Variants in FAM149B1 observed in about 807,000 individuals in gnomAD.
FAM149B1 encodes the protein primary cilium assembly protein FAM149B1.
FAM149B1 carries 56 observed loss-of-function variants against 75.3 expected under a neutral mutation model. The ratio of observed to expected loss-of-function variants is 0.74; its 90% CI spans 0.60 to 0.93. The LOEUF is 0.93. Ranked by LOEUF, FAM149B1 falls within the 40% of genes least tolerant of loss-of-function variation. The pLI is 0.00. For synonymous variants in FAM149B1, 259 were observed against 256.1 expected, an observed-to-expected ratio of 1.01 and a Z score of -0.11; for missense variants, 639 against 708.4, an observed-to-expected ratio of 0.90 and a Z score of 1.11.
chr10:73,187,519 C>G (rs1260256367), intron 3 of FAM149B1, among the ~76,000 whole-genome samples: 1 of 151,662 alleles, frequency 6.6e-6, no homozygotes. Flanking sequence ...CACCTGAGGT[C>G]TGGAGTTCGA....
intron 3 of FAM149B1, among the ~76,000 whole-genome samples, chr10:73,191,898 TAG>T (rs1263446723): frequency 6.6e-6 from 1 of 152,120 alleles, no homozygotes; most frequent in African/African-American, 2.4e-5. Context: ...TTTAAAAATA[TAG>T]ACTTTTTTTT....
intron 3 of FAM149B1, among the ~76,000 whole-genome samples, chr10:73,180,861 GT>G (rs1321344764): frequency 6.6e-6 from 1 of 151,268 alleles, no homozygotes; most frequent in African/African-American, 2.4e-5. Flanking sequence ...CATTCTTTCT[GT>G]TTTTTTTGTA....
intron 3 of FAM149B1, among the ~76,000 whole-genome samples, chr10:73,188,776 A>AAGGAAGGAAGGAT (rs2042602299): frequency 8.2e-6 from 1 of 121,670 alleles, no homozygotes; most frequent in African/African-American, 3.7e-5. Flanking sequence ...GAAGGAAGGA[A>AAGGAAGGAAGGAT]GGAAGGAAGG....
chr10:73,242,475 T>G lies in FAM149B1; in HGVS notation c.*1456T>G, dbSNP rs1211607356. 1.3e-5 allele frequency: 2 copies of G among 152,248 alleles called. No individual in the cohort carries two copies. The highest frequency in any genetic ancestry group is 1.3e-4 in the Admixed American group (2 of 15,284). 9.4% of individuals were successfully genotyped at this position (152,248 alleles called of 1,614,324 possible). ...CCCAATTCCCTCACCCTGTGTGTTTTCCCTCAAAGCCAGTGCAATTTTTTT... is the reference window on the plus strand; with the variant it reads ...CCCAATTCCCTCACCCTGTGTGTTTGCCCTCAAAGCCAGTGCAATTTTTTT... On this transcript the variant is annotated 3_prime_UTR_variant, in exon 14 of 14. Transcript: ENST00000242505.
At chr10:73,223,650 C>T (rs1334631523) in intron 7 of FAM149B1, among the ~76,000 whole-genome samples, 2 of 152,038 alleles carry the variant, frequency 1.3e-5, no homozygotes, top group African/African-American at 4.8e-5. Flanking sequence ...GTGAGAGTTC[C>T]AGTTGCTCCA....
At chr10:73,174,821 A>C in intron 2 of FAM149B1, 30 bp downstream of exon 2, 1 of 1,421,128 alleles carries the variant, frequency 7.0e-7, no homozygotes, top group Non-Finnish European at 9.7e-7. Context: ...TTGTTTACTT[A>C]TTGCACTTGC....
chr10:73,180,177 T>C (rs2133309778), intron 3 of FAM149B1, among the ~76,000 whole-genome samples: 1 of 152,312 alleles, frequency 6.6e-6, no homozygotes, highest in Admixed American at 6.5e-5. Context: ...AAGGTAGATC[T>C]GAGACTTGAA....
intron 7 of FAM149B1, among the ~76,000 whole-genome samples, chr10:73,219,649 A>G (rs542771286): frequency 2.6e-5 from 4 of 152,288 alleles, no homozygotes; most frequent in Non-Finnish European, 4.4e-5. Flanking sequence ...AGATCATTCA[A>G]TGGGAGAAGA....
chr10:73,237,952 CTCTT>C (rs758819193), intron 12 of FAM149B1, among the ~76,000 whole-genome samples: 11 of 152,018 alleles, frequency 7.2e-5, no homozygotes, highest in Admixed American at 3.9e-4. Flanking sequence ...TTTCAGTCTT[CTCTT>C]TAAGTTTATT....
chr10:73,234,790 C>T, intron 10 of FAM149B1, 27 bp from the exon 11 acceptor site: 1 of 1,549,680 alleles, frequency 6.5e-7, no homozygotes, highest in Non-Finnish European at 8.7e-7. Flanking sequence ...GCTTTCATAC[C>T]TTCGTGTTTG....
chr10:73,199,442 C>A (rs1169264411), intron 5 of FAM149B1, among the ~76,000 whole-genome samples: 4 of 152,130 alleles, frequency 2.6e-5, no homozygotes. Context: ...TGGTCTCGAT[C>A]TCCTGACCTC....
At chr10:73,239,845 G>A (rs1316066216) in intron 13 of FAM149B1, among the ~76,000 whole-genome samples, 3 of 152,214 alleles carry the variant, frequency 2.0e-5, no homozygotes, top group African/African-American at 4.8e-5. Flanking sequence ...AGGATATGCT[G>A]AGTCTGATTC....
intron 7 of FAM149B1, among the ~76,000 whole-genome samples, chr10:73,227,460 T>C (rs558402108): frequency 2.0e-5 from 3 of 152,326 alleles, no homozygotes; most frequent in African/African-American, 7.2e-5. Context: ...TCTACATCTG[T>C]CAATTCCAAT....
intron 5 of FAM149B1, among the ~76,000 whole-genome samples, chr10:73,199,374 C>T (rs569777066): frequency 3.3e-5 from 5 of 151,662 alleles, no homozygotes; most frequent in Admixed American, 1.3e-4. Context: ...CCCACCACCA[C>T]GCCCGGCTAA....
At chr10:73,206,918 AAAACAAAC>A (rs147394652) in intron 5 of FAM149B1, among the ~76,000 whole-genome samples, 114 of 151,148 alleles carry the variant, frequency 7.5e-4, no homozygotes, top group African/African-American at 2.5e-3. Context: ...CTGTCTCAAA[AAAACAAAC>A]AAACAAACAA....
At chr10:73,208,919 T>C (rs1589165727) in intron 6 of FAM149B1, 133 bp downstream of exon 6, 1 of 557,956 alleles carries the variant, frequency 1.8e-6, no homozygotes, top group East Asian at 3.4e-5. Context: ...ATGTTATTTC[T>C]CAGGTATCCA....
chr10:73,229,551 G>A (rs1029090070), intron 8 of FAM149B1, among the ~76,000 whole-genome samples: 22 of 152,260 alleles, frequency 1.4e-4, no homozygotes, highest in African/African-American at 4.6e-4. Flanking sequence ...CTCCAACCTG[G>A]GTGACAGAGC....
At chr10:73,214,252 A>G (rs1053874472) in intron 7 of FAM149B1, among the ~76,000 whole-genome samples, 4 of 152,228 alleles carry the variant, frequency 2.6e-5, no homozygotes, top group African/African-American at 9.6e-5. Context: ...AGATCATACC[A>G]TCAGCAAACA....
intron 9 of FAM149B1, among the ~76,000 whole-genome samples, chr10:73,232,140 T>G (rs988521054): frequency 6.6e-6 from 1 of 152,152 alleles, no homozygotes; most frequent in Middle Eastern, 3.2e-3. Context: ...GCGTTATTCT[T>G]TCACTTCTCT....
Sources: gnomAD v4.1 joint callset for allele counts (sites outside exome capture counted in the v4.1 genomes callset) on GRCh38, gnomAD v4.1.1 for gene constraint, MANE v1.5 for transcripts, NCBI Gene and HGNC (gene_info 2026-07-23, HGNC 2026-07-21) for gene names.